The following SNED1 variants were observed in gnomAD, a reference collection of about 807,000 sequenced individuals.
SNED1 encodes the protein sushi, nidogen and EGF-like domain-containing protein 1.
A neutral mutation model predicts 166.7 loss-of-function variants in SNED1; 81 were observed. That is an observed-to-expected ratio of 0.49 (90% confidence interval 0.41 to 0.58). The LOEUF (loss-of-function observed/expected upper bound fraction) is 0.58, where lower values mean the gene tolerates loss of function less well. Among genes scored for constraint, SNED1 ranks in the 20% least tolerant of loss-of-function variants. SNED1 has a pLI of 0.00. For missense variants in SNED1, 1,604 were observed against 2,000.2 expected, an observed-to-expected ratio of 0.80 and a Z score of 3.78; for synonymous variants, 762 against 822.0, an observed-to-expected ratio of 0.93 and a Z score of 1.25.
At chr2:241,070,755 C>T (rs1360645279) in intron 24 of SNED1, among the ~76,000 whole-genome samples, 2 of 152,206 alleles carry the variant, frequency 1.3e-5, no homozygotes, top group Non-Finnish European at 2.9e-5. Context: ...GTCCCGAACG[C>T]CCCACTTAGG....
Position 241,054,871 on chromosome 2 carries a change from CTT to C in SNED1, c.2257+1547_2257+1548del, listed in dbSNP as rs1280431902. Among the ~76,000 whole-genome samples, 10 of 152,276 alleles carry C rather than the reference CTT, an allele frequency of 6.6e-5. No individual in the cohort carries two copies. The South Asian group carries it at 2.1e-3, about 32-fold the overall frequency. Reference sequence around the variant, plus strand: ...GTGGCTCACGCCTGTAATCCCAGCACTTTGGGAGGCCGAGGCAGGTGGATCAC... The same window carrying C: ...GTGGCTCACGCCTGTAATCCCAGCACTGGGAGGCCGAGGCAGGTGGATCAC... On this transcript the variant is annotated intron_variant, in intron 16 of 31. Transcript: ENST00000310397.
chr2:241,055,808 G>T (rs74000337), intron 16 of SNED1, among the ~76,000 whole-genome samples: 2 of 152,170 alleles, frequency 1.3e-5, no homozygotes, highest in African/African-American at 4.8e-5. Context: ...AGTCTCACAA[G>T]GATTAGATTC....
intron 1 of SNED1, 43 bp from the exon 2 acceptor site, chr2:241,030,241 C>T (rs1427282733): frequency 6.6e-7 from 1 of 1,505,618 alleles, no homozygotes; most frequent in Non-Finnish European, 8.9e-7. Flanking sequence ...CCCGCCTGCC[C>T]ACAGCCCCCA....
intron 1 of SNED1, chr2:241,015,715 C>G (rs797000194): frequency 4.8e-5 from 8 of 165,714 alleles, no homozygotes; most frequent in African/African-American, 2.0e-4. Flanking sequence ...CTGTGCTGGC[C>G]GAGGCCTCCA....
intron 1 of SNED1, among the ~76,000 whole-genome samples, chr2:241,007,308 G>C (rs948691365): frequency 6.6e-6 from 1 of 152,306 alleles, no homozygotes; most frequent in East Asian, 1.9e-4. Flanking sequence ...GCCAAACCGC[G>C]TTCTCCCAGG....
At chr2:241,071,909 G>C (rs747352785) in intron 26 of SNED1, 31 bp downstream of exon 26, 1 of 1,552,018 alleles carries the variant, frequency 6.4e-7, no homozygotes, top group Non-Finnish European at 8.8e-7. Flanking sequence ...ACCCACCTTG[G>C]TGGCCCACCC....
chr2:241,088,254 T>A (rs2063686928), intron 30 of SNED1, 111 bp from the exon 31 acceptor site: 7 of 785,128 alleles, frequency 8.9e-6, no homozygotes, highest in African/African-American at 1.7e-5. Context: ...CACCGTGGAA[T>A]GTATGTGAGC....
intron 31 of SNED1, chr2:241,089,112 T>C: frequency 1.9e-6 from 1 of 526,388 alleles, no homozygotes; most frequent in Non-Finnish European, 3.3e-6. Flanking sequence ...ACACTGGCAT[T>C]CTTCACAATC....
At chr2:241,033,931 A>AT in intron 3 of SNED1, 56 bp downstream of exon 3, 1 of 1,534,840 alleles carries the variant, frequency 6.5e-7, no homozygotes, top group Admixed American at 2.0e-5. Flanking sequence ...CACAGCCAGG[A>AT]CTGTCATGAG....
At chr2:241,088,425 C>A in intron 31 of SNED1, 23 bp downstream of exon 31, 1 of 1,599,240 alleles carries the variant, frequency 6.3e-7, no homozygotes, top group African/African-American at 1.3e-5. Context: ...TGCTCCCGCC[C>A]CACTACCACA....
intron 31 of SNED1, chr2:241,089,171 ACCAGTTT>A (rs1559320635): frequency 2.3e-6 from 2 of 871,724 alleles, no homozygotes; most frequent in Non-Finnish European, 3.5e-6. Flanking sequence ...ACAACCTGTT[ACCAGTTT>A]CATACTGACC....
In SNED1 at chr2:241,030,452, C is replaced by T. The variant is rs369451658; in HGVS notation, c.382C>T (p.Arg128Cys). 11 of 1,613,626 alleles carry T rather than the reference C, an allele frequency of 6.8e-6. No homozygotes were observed. Among genetic ancestry groups the T allele is most frequent in the East Asian group, 4.5e-5 (2 of 44,888 alleles). ...YREATDPAMLRRATEDVRHYF... is the reference protein window; with the variant it reads ...YREATDPAMLCRATEDVRHYF... Reference sequence around the variant, plus strand: ...GGAGGCCACCGACCCAGCCATGCTGCGCCGAGCCACGGAGGACGTCAGGCA... The same window carrying T: ...GGAGGCCACCGACCCAGCCATGCTGTGCCGAGCCACGGAGGACGTCAGGCA... The change falls in exon 2 of 32, where the codon CGC becomes TGC. Residue 128 changes from arginine to cysteine, a missense_variant. Transcript: ENST00000310397.
chr2:241,052,554 G>C (rs2061882456), intron 15 of SNED1, 86 bp downstream of exon 15: 1 of 1,047,960 alleles, frequency 9.5e-7, no homozygotes, highest in Non-Finnish European at 1.5e-6. Context: ...AGGGTACATG[G>C]GATACCAGTG....
chr2:241,039,577 A>C (rs2061464993), intron 6 of SNED1, among the ~76,000 whole-genome samples: 2 of 152,022 alleles, frequency 1.3e-5, no homozygotes, highest in Admixed American at 1.3e-4. Context: ...ACTCCCACTC[A>C]GTAACTGGGG....
intron 29 of SNED1, among the ~76,000 whole-genome samples, chr2:241,083,107 G>A (rs1247952180): frequency 1.3e-5 from 2 of 152,210 alleles, no homozygotes; most frequent in African/African-American, 2.4e-5. Context: ...CAGGTGGTGA[G>A]TGCAAAGGGA....
chr2:241,086,699 G>A (rs1203788542), intron 29 of SNED1, among the ~76,000 whole-genome samples: 1 of 152,198 alleles, frequency 6.6e-6, no homozygotes, highest in African/African-American at 2.4e-5. Context: ...CGATCCTAAA[G>A]GTTCTATGAG....
At chr2:241,065,673 C>T (rs1321187595) in intron 21 of SNED1, 78 bp downstream of exon 21, 8 of 1,290,698 alleles carry the variant, frequency 6.2e-6, no homozygotes, top group South Asian at 2.7e-5. Flanking sequence ...ACCTGCAGGG[C>T]GGCTGTCATG....
In SNED1 at chr2:241,018,900, A is replaced by G. The variant is rs142046286; in HGVS notation, c.214-11384A>G. Among the ~76,000 whole-genome samples the G allele has an allele frequency of 1.8e-3, 279 of 152,330 alleles. No individual in the cohort carries two copies. Among genetic ancestry groups the G allele is most frequent in the African/African-American group, 6.3e-3 (261 of 41,578 alleles). On this transcript the variant is annotated intron_variant, in intron 1 of 31. Coordinates refer to ENST00000310397, the MANE Select transcript of SNED1 (RefSeq NM_001080437.3). The surrounding 1 kb of genome is among the most constrained non-coding windows in gnomAD (Gnocchi z 5.4). Reference sequence around the variant, plus strand: ...GCGGGCTGGGGCAGCTGTCAGGGAAAGAGCCTTATCAGGCCCAGAAACGGT... The same window carrying G: ...GCGGGCTGGGGCAGCTGTCAGGGAAGGAGCCTTATCAGGCCCAGAAACGGT...
rs985993094 is a variant in SNED1, at chr2:241,051,005, G to A, written c.1736-739G>A. ...ACACCTCTGACCCCGGAGGGAGTAC[G>A]GAAGGGACAAGGATGGCTGTCCTCA... On this transcript the variant is annotated intron_variant, in intron 12 of 31. Transcript: ENST00000310397. The surrounding 1 kb of genome is among the most constrained non-coding windows in gnomAD (Gnocchi z 4.7). Among the ~76,000 whole-genome samples the A allele has an allele frequency of 2.0e-5, 3 of 152,236 alleles. No individual in the cohort carries two copies. The highest frequency in any genetic ancestry group is 4.4e-5 in the Non-Finnish European group (3 of 68,048).
Sources: gnomAD v4.1 joint callset for allele counts (sites outside exome capture counted in the v4.1 genomes callset) on GRCh38, gnomAD v4.1.1 for gene constraint, Gnocchi (gnomAD v3.1) non-coding constraint, MANE v1.5 for transcripts, NCBI Gene and HGNC (gene_info 2026-07-23, HGNC 2026-07-21) for gene names.